PCDHA11: variants seen among roughly 807,000 people sequenced by gnomAD.
PCDHA11 encodes the protein protocadherin alpha 11.
PCDHA11 carries 61 observed loss-of-function variants against 70.3 expected under a neutral mutation model. The ratio of observed to expected loss-of-function variants is 0.87; its 90% confidence interval spans 0.71 to 1.07. The LOEUF is 1.07. Ranked by LOEUF, PCDHA11 falls within the 50% of genes least tolerant of loss-of-function variation. The pLI is 0.00. For missense variants in PCDHA11, 1,324 were observed against 1,237.5 expected (o/e 1.07, Z -1.05); for synonymous variants, 633 against 555.1 (o/e 1.14, Z -1.97).
intron 1 of PCDHA11, among the ~76,000 whole-genome samples, chr5:140,976,410 G>C (rs1353790339): frequency 6.6e-6 from 1 of 152,074 alleles, no homozygotes; most frequent in Non-Finnish European, 1.5e-5. Context: ...AATTAGCCAG[G>C]TACGGTGGCA....
At chr5:140,976,148 C>T (rs1563445972) in intron 1 of PCDHA11, among the ~76,000 whole-genome samples, 1 of 152,160 alleles carries the variant, frequency 6.6e-6, no homozygotes, top group Non-Finnish European at 1.5e-5. Flanking sequence ...AACTCATGTA[C>T]ATTTTACTAC....
chr5:140,938,298 A>G (rs549354760), intron 1 of PCDHA11, among the ~76,000 whole-genome samples: 4 of 152,350 alleles, frequency 2.6e-5, no homozygotes, highest in African/African-American at 7.2e-5. Context: ...ATTGCCTATG[A>G]AATTCAGTAT....
At chr5:140,967,885 A>G in intron 1 of PCDHA11, 1 of 1,614,134 alleles carries the variant, frequency 6.2e-7, no homozygotes, top group South Asian at 1.1e-5. Context: ...TGTATAGCCC[A>G]GTGCCTGAGA....
intron 1 of PCDHA11, among the ~76,000 whole-genome samples, chr5:140,947,308 A>G (rs1554218155): frequency 1.3e-5 from 2 of 151,606 alleles, no homozygotes; most frequent in Non-Finnish European, 3.0e-5. Context: ...ACATCTTTGT[A>G]AAAAGTCGGT....
intron 1 of PCDHA11, among the ~76,000 whole-genome samples, chr5:140,896,047 G>T (rs1369678792): frequency 6.6e-6 from 1 of 152,138 alleles, no homozygotes; most frequent in Non-Finnish European, 1.5e-5. Context: ...CTGACCTCAG[G>T]TGATCCGCCT....
At chr5:140,871,662 A>G in intron 1 of PCDHA11, 168 bp downstream of exon 1, 1 of 1,211,512 alleles carries the variant, frequency 8.3e-7, no homozygotes, top group Non-Finnish European at 1.1e-6. Context: ...ACACATCTTC[A>G]GTCTTTTAAT....
At chr5:140,969,933 C>T (rs2096370749) in intron 1 of PCDHA11, among the ~76,000 whole-genome samples, 1 of 152,192 alleles carries the variant, frequency 6.6e-6, no homozygotes, top group South Asian at 2.1e-4. Context: ...ATTTAGACAT[C>T]ATACTGAAGC....
intron 1 of PCDHA11, among the ~76,000 whole-genome samples, chr5:140,880,863 T>C (rs1312869588): frequency 6.6e-6 from 1 of 152,170 alleles, no homozygotes; most frequent in Non-Finnish European, 1.5e-5. Flanking sequence ...TCTAATTATG[T>C]GAAGAGGTAA....
intron 3 of PCDHA11, among the ~76,000 whole-genome samples, chr5:141,002,792 A>G (rs576285489): frequency 6.6e-6 from 1 of 152,306 alleles, no homozygotes; most frequent in South Asian, 2.1e-4. Context: ...CATTTTATGG[A>G]TGAGGAAACT....
chr5:140,927,450 G>A (rs782619485), intron 1 of PCDHA11: 3 of 1,614,188 alleles, frequency 1.9e-6, no homozygotes, highest in South Asian at 1.1e-5. Context: ...CGGAGTTGGT[G>A]TTGGAGAAAG....
intron 1 of PCDHA11, among the ~76,000 whole-genome samples, chr5:140,972,018 A>G (rs2096514313): frequency 6.6e-6 from 1 of 152,162 alleles, no homozygotes; most frequent in Non-Finnish European, 1.5e-5. Flanking sequence ...TTTATATGGG[A>G]TATTCAGGCA....
rs911070094 is a variant in PCDHA11, at chr5:141,009,570, G to A, written c.2540-57G>A. On this transcript the variant is annotated intron_variant, in intron 3 of 3. Coordinates refer to ENST00000398640, the MANE Select transcript of PCDHA11 (RefSeq NM_018902.5). ...AGTACTCCTGTACTCTACCAGCAGT[G>A]TGGCATCAAGAGCATGTGTTGACCC... The A allele has an allele frequency of 1.9e-6, 3 of 1,577,968 alleles. No homozygotes were observed. In the Admixed American group the frequency reaches 5.2e-5, roughly 28 times the overall value.
At chr5:140,931,405 G>A (rs1395168165) in intron 1 of PCDHA11, among the ~76,000 whole-genome samples, 1 of 151,984 alleles carries the variant, frequency 6.6e-6, no homozygotes, top group South Asian at 2.1e-4. Flanking sequence ...CGATAGGAAG[G>A]CTGATGAATC....
intron 1 of PCDHA11, chr5:140,877,051 G>C (rs1554169275): frequency 1.2e-6 from 2 of 1,612,752 alleles, no homozygotes; most frequent in Non-Finnish European, 1.7e-6. Context: ...AGACCACGAG[G>C]AGCTGGAGCT....
At chr5:140,884,995 T>C (rs1168400289) in intron 1 of PCDHA11, among the ~76,000 whole-genome samples, 1 of 152,228 alleles carries the variant, frequency 6.6e-6, no homozygotes, top group African/African-American at 2.4e-5. Context: ...AAAATGTTTG[T>C]TTTAATGAGG....
At chr5:140,920,749 C>T (rs145619239) in intron 1 of PCDHA11, among the ~76,000 whole-genome samples, 2 of 151,424 alleles carry the variant, frequency 1.3e-5, no homozygotes, top group Non-Finnish European at 2.9e-5. Context: ...GAGGCTGAGG[C>T]AGGAGAATTG....
chr5:140,967,976 C>T (rs2096205972), intron 1 of PCDHA11: 3 of 1,614,222 alleles, frequency 1.9e-6, no homozygotes, highest in Non-Finnish European at 2.5e-6. Context: ...GAGCCTGGGT[C>T]TGGAGGCCAC....
intron 1 of PCDHA11, among the ~76,000 whole-genome samples, chr5:140,872,587 A>AC (rs777810037): frequency 6.0e-4 from 91 of 152,014 alleles, no homozygotes; most frequent in Middle Eastern, 3.4e-3. Flanking sequence ...TCATCGTGAG[A>AC]CCCCCATCTG....
intron 1 of PCDHA11, among the ~76,000 whole-genome samples, chr5:140,937,624 A>G (rs2091636613): frequency 6.6e-6 from 1 of 150,778 alleles, no homozygotes; most frequent in Non-Finnish European, 1.5e-5. Context: ...CTAAAAAGAA[A>G]AAGAAAGGCA....
Sources: allele counts gnomAD v4.1 joint callset (sites outside exome capture counted in the v4.1 genomes callset), GRCh38; gene constraint gnomAD v4.1.1; transcripts MANE v1.5; gene names NCBI Gene and HGNC (gene_info 2026-07-23, HGNC 2026-07-21).